DPH5: variants seen among roughly 807,000 people sequenced by gnomAD.
DPH5 encodes diphthamide biosynthesis 5.
DPH5 carries 31 observed loss-of-function variants against 31.6 expected under a neutral mutation model. The observed-to-expected ratio is 0.98, with a 90% CI of 0.74 to 1.32. The LOEUF is 1.32. Ranked by LOEUF, DPH5 falls within the 40% of genes most tolerant of loss-of-function variation. The pLI is 0.00. For missense variants in DPH5, 309 were observed against 335.7 expected, an observed-to-expected ratio of 0.92 and a Z score of 0.62; for synonymous variants, 120 against 115.0, an observed-to-expected ratio of 1.04 and a Z score of -0.28.
intron 5 of DPH5, 94 bp from the exon 6 acceptor site, chr1:100,995,243 G>T: frequency 1.4e-6 from 1 of 729,054 alleles, no homozygotes; most frequent in Non-Finnish European, 2.3e-6. Context: ...TAAATTTTGG[G>T]GAAACACTCT....
intron 5 of DPH5, among the ~76,000 whole-genome samples, chr1:100,996,441 G>A (rs1319804902): frequency 1.3e-5 from 2 of 152,140 alleles, no homozygotes; most frequent in South Asian, 2.1e-4. Context: ...TCGTGACTTC[G>A]TCTCAAGCCA....
chr1:100,996,047 T>C (rs1658320932), intron 5 of DPH5: 1 of 152,232 alleles, frequency 6.6e-6, no homozygotes, highest in Non-Finnish European at 1.5e-5. Context: ...GCAGAGTTAA[T>C]ATTAAATACA....
At position 101,019,075 on chromosome 1, in the gene DPH5, G is replaced by C. The variant is rs147259949; in HGVS notation, c.260+2566C>G. ...TAATAATATAGTTACAGAGCATATT[G>C]AAATACAGAATGGAATAATAAAACA... is the stretch of plus-strand genomic sequence containing the variant. On this transcript the variant is annotated intron_variant, in intron 3 of 7. Transcript: ENST00000370109. Among the ~76,000 whole-genome samples, 44 of 152,236 alleles carry C rather than the reference G, an allele frequency of 2.9e-4. 1 individual carries two copies. The highest frequency in any genetic ancestry group is 1.1e-3 in the African/African-American group (44 of 41,564).
chr1:101,013,008 TTATGA>T (rs1222991734), intron 4 of DPH5, among the ~76,000 whole-genome samples: 1 of 152,210 alleles, frequency 6.6e-6, no homozygotes, highest in African/African-American at 2.4e-5. Flanking sequence ...TGTTTTCCTA[TTATGA>T]TATATCTGAA....
intron 6 of DPH5, among the ~76,000 whole-genome samples, chr1:100,994,792 G>GC (rs1349046690): frequency 6.6e-6 from 1 of 152,128 alleles, no homozygotes; most frequent in African/African-American, 2.4e-5. Flanking sequence ...CTCCCAAAGT[G>GC]CTGGGACTAC....
chr1:101,019,905 A>G (rs1660330225), intron 3 of DPH5, among the ~76,000 whole-genome samples: 1 of 152,214 alleles, frequency 6.6e-6, no homozygotes, highest in South Asian at 2.1e-4. Flanking sequence ...ATTTTATAGT[A>G]CAATTAGGTA....
chr1:101,015,970 G>A (rs922193977), intron 3 of DPH5, among the ~76,000 whole-genome samples: 1 of 152,114 alleles, frequency 6.6e-6, no homozygotes, highest in African/African-American at 2.4e-5. Context: ...CTTCTATACA[G>A]AACACTAAAA....
At chr1:101,022,363 C>G (rs1660516757) in intron 2 of DPH5, among the ~76,000 whole-genome samples, 1 of 152,184 alleles carries the variant, frequency 6.6e-6, no homozygotes, top group Admixed American at 6.5e-5. Flanking sequence ...GTTGCAGGAG[C>G]AGTAACTGAA....
At chr1:101,006,091 GGC>G (rs1181387611) in intron 4 of DPH5, among the ~76,000 whole-genome samples, 3 of 152,274 alleles carry the variant, frequency 2.0e-5, no homozygotes, top group Non-Finnish European at 2.9e-5. Context: ...AGTGTTCTGA[GGC>G]CTCCCCAGCC....
intron 6 of DPH5, among the ~76,000 whole-genome samples, chr1:100,993,221 G>C (rs1171435287): frequency 6.6e-6 from 1 of 151,992 alleles, no homozygotes; most frequent in Admixed American, 6.6e-5. Flanking sequence ...TGCCTCAAAA[G>C]CCTATCAGGC....
At chr1:100,991,787 T>TAAAAAAAAAAA (rs1657746510) in intron 7 of DPH5, among the ~76,000 whole-genome samples, 1 of 74,566 alleles carries the variant, frequency 1.3e-5, no homozygotes, top group Non-Finnish European at 2.8e-5. Context: ...AGACCCCATC[T>TAAAAAAAAAAA]CAAAAAAAAA....
At chr1:100,995,862 A>AGCAACC (rs1188856694) in intron 5 of DPH5, 1 of 152,260 alleles carries the variant, frequency 6.6e-6, no homozygotes, top group East Asian at 1.9e-4. Flanking sequence ...CAACAGCAAC[A>AGCAACC]GCAACAGCTG....
At chr1:101,008,925 C>T (rs969286806) in intron 4 of DPH5, among the ~76,000 whole-genome samples, 4 of 152,322 alleles carry the variant, frequency 2.6e-5, no homozygotes, top group African/African-American at 9.6e-5. Flanking sequence ...CATCACCCAA[C>T]TAAGACCCCT....
chr1:101,017,002 C>T (rs1660128694), intron 3 of DPH5, among the ~76,000 whole-genome samples: 1 of 152,080 alleles, frequency 6.6e-6, no homozygotes, highest in African/African-American at 2.4e-5. Context: ...TGGTTTGTGG[C>T]AACCCAAAGT....
intron 3 of DPH5, among the ~76,000 whole-genome samples, chr1:101,017,044 A>G (rs1443738820): frequency 3.2e-4 from 49 of 152,218 alleles, no homozygotes; most frequent in Non-Finnish European, 1.5e-5. Flanking sequence ...ACTGATCACA[A>G]ATCATCATTA....
chr1:100,994,650 C>T (rs753650824), intron 6 of DPH5, among the ~76,000 whole-genome samples: 3 of 152,040 alleles, frequency 2.0e-5, no homozygotes, highest in Non-Finnish European at 4.4e-5. Context: ...CCTCAACCTC[C>T]CAAGTAGCTG....
chr1:101,015,635 C>T (rs1052308783), intron 3 of DPH5, among the ~76,000 whole-genome samples: 23 of 152,248 alleles, frequency 1.5e-4, no homozygotes, highest in East Asian at 3.9e-4. Context: ...CTTTTAAGTC[C>T]GGCATTCACT....
At position 100,990,298 on chromosome 1, in the gene DPH5, G is replaced by T; in HGVS notation, c.*110C>A. On this transcript the variant is annotated 3_prime_UTR_variant, in exon 8 of 8. Transcript: ENST00000370109. The stretch of plus-strand genomic sequence containing the variant: ...GATTCAATTACCTACCACAACACCT[G>T]GGAATTATGAGGATTAAAATTCAAG... 1.0e-6 allele frequency: 1 copy of T among 992,824 alleles called. No individual in the cohort carries two copies. The highest frequency in any genetic ancestry group is 1.5e-6 in the Non-Finnish European group (1 of 656,074). The allele number at this position is 992,824 out of a possible 1,614,324, so 61.5% of individuals were successfully genotyped here.
rs769400196 is a variant in DPH5 at position 101,025,486 on chromosome 1, GA to G, written c.-23-21del. 6 of 1,609,690 alleles carry G rather than the reference GA, an allele frequency of 3.7e-6. 1 individual carries two copies. The South Asian group carries it at 6.6e-5, about 18-fold the overall frequency. ...GAGAGACTGCAAGACGAAGTGGACA[GA>G]AAAACCGTCAGTAACACCGAGGACA... On this transcript the variant is annotated intron_variant, in intron 1 of 7. Coordinates refer to ENST00000370109, the MANE Select transcript of DPH5 (RefSeq NM_015958.3).
Sources: gnomAD v4.1 joint callset for allele counts (sites outside exome capture counted in the v4.1 genomes callset) on GRCh38, gnomAD v4.1.1 for gene constraint, MANE v1.5 for transcripts, NCBI Gene and HGNC (gene_info 2026-07-23, HGNC 2026-07-21) for gene names.